Variants in EPHA6 observed in about 807,000 individuals in gnomAD.
The protein encoded by EPHA6 is EPH receptor A6.
EPHA6 carries 50 observed loss-of-function variants against 112.0 expected under a neutral mutation model. The ratio of observed to expected loss-of-function variants is 0.45; its 90% CI spans 0.36 to 0.56. EPHA6 has a LOEUF of 0.56. EPHA6 is among the 20% of genes least tolerant of loss of function. The pLI is 0.00. For synonymous variants in EPHA6, 529 were observed against 490.7 expected (o/e 1.08, Z -1.03); for missense variants, 1,280 against 1,417.4 (o/e 0.90, Z 1.56).
At chr3:97,043,308 G>T (rs1256514756) in intron 3 of EPHA6, among the ~76,000 whole-genome samples, 16 of 152,068 alleles carry the variant, frequency 1.1e-4, no homozygotes, top group Admixed American at 1.0e-3. Flanking sequence ...CAGGTAGTCA[G>T]CTGTATATAT....
At chr3:97,327,691 T>C (rs2082504530) in intron 5 of EPHA6, among the ~76,000 whole-genome samples, 2 of 151,876 alleles carry the variant, frequency 1.3e-5, no homozygotes, top group Non-Finnish European at 2.9e-5. Flanking sequence ...AACTTTATCA[T>C]GTTAAAGATA....
chr3:97,614,348 T>C (rs1248086859), intron 13 of EPHA6, among the ~76,000 whole-genome samples: 1 of 149,318 alleles, frequency 6.7e-6, no homozygotes, highest in Non-Finnish European at 1.5e-5. Context: ...TTTTTTTTTT[T>C]TTTTTGAGAC....
chr3:97,608,500 GA>G (rs1046825687), intron 12 of EPHA6, among the ~76,000 whole-genome samples: 8 of 151,238 alleles, frequency 5.3e-5, no homozygotes, highest in African/African-American at 1.9e-4. Flanking sequence ...AAATAAGAAA[GA>G]AAAACAACTT....
chr3:96,814,683 C>A lies in EPHA6; in HGVS notation c.60C>A (p.Ser20=). 1 of 1,492,548 alleles carries A rather than the reference C, an allele frequency of 6.7e-7. No individual in the cohort carries two copies. The highest frequency in any genetic ancestry group is 8.9e-7 in the Non-Finnish European group (1 of 1,120,772). 92.5% of individuals were successfully genotyped at this position (1,492,548 alleles called of 1,614,324 possible). A position where few individuals can be genotyped will look rare whatever the true frequency, so the allele number is the denominator to read the frequency against. ...CCCCGGCGCCGCAGGCAGCGTCCTC[C>A]TCCGAAGCAGCTGCACCTGCAACTG... The part of the protein sequence containing the change: ...RSSPAPQAAS[S]SEAAAPATGQ... The change falls in exon 1 of 18, where the codon TCC becomes TCA. Residue 20 remains serine, a synonymous_variant. Coordinates refer to ENST00000389672, the MANE Select transcript of EPHA6 (RefSeq NM_001080448.3).
At chr3:97,185,086 A>G (rs1477998777) in intron 3 of EPHA6, among the ~76,000 whole-genome samples, 1 of 151,586 alleles carries the variant, frequency 6.6e-6, no homozygotes, top group Non-Finnish European at 1.5e-5. Context: ...AAAGACTTCA[A>G]TGTTAGACCT....
intron 2 of EPHA6, among the ~76,000 whole-genome samples, chr3:96,945,312 C>T (rs565425240): frequency 1.8e-4 from 27 of 152,242 alleles, no homozygotes; most frequent in African/African-American, 5.8e-4. Context: ...CTGTTCAAAA[C>T]GGAACTCCAG....
At chr3:97,112,497 C>T (rs1257414477) in intron 3 of EPHA6, among the ~76,000 whole-genome samples, 1 of 152,078 alleles carries the variant, frequency 6.6e-6, no homozygotes, top group Non-Finnish European at 1.5e-5. Flanking sequence ...TGCTATTTTT[C>T]TAGAGTTTAC....
At chr3:97,276,810 C>T (rs572802736) in intron 5 of EPHA6, among the ~76,000 whole-genome samples, 2 of 152,040 alleles carry the variant, frequency 1.3e-5, no homozygotes, top group Non-Finnish European at 2.9e-5. Flanking sequence ...AGAGCCTAAA[C>T]ACTAACTGAT....
intron 14 of EPHA6, among the ~76,000 whole-genome samples, chr3:97,643,179 T>C (rs1226423468): frequency 6.7e-6 from 1 of 150,280 alleles, no homozygotes; most frequent in Admixed American, 6.6e-5. Context: ...GAATTTCATA[T>C]CCAGCCAAAC....
intron 2 of EPHA6, among the ~76,000 whole-genome samples, chr3:96,980,666 G>C (rs879075446): frequency 2.0e-5 from 3 of 152,050 alleles, no homozygotes; most frequent in Non-Finnish European, 4.4e-5. Flanking sequence ...TCATGATATT[G>C]ATTCTTCCTA....
intron 15 of EPHA6, among the ~76,000 whole-genome samples, chr3:97,721,890 T>C (rs1473014177): frequency 6.6e-6 from 1 of 152,142 alleles, no homozygotes; most frequent in Admixed American, 6.5e-5. Context: ...GGGGATTTTG[T>C]TTGTTTGTTT....
intron 10 of EPHA6, among the ~76,000 whole-genome samples, chr3:97,523,132 A>C (rs968464513): frequency 6.6e-6 from 1 of 152,022 alleles, no homozygotes; most frequent in African/African-American, 2.4e-5. Flanking sequence ...TTGCTTACTT[A>C]AGAACTTTTC....
intron 5 of EPHA6, among the ~76,000 whole-genome samples, chr3:97,401,672 G>C (rs1053698250): frequency 4.6e-5 from 7 of 151,310 alleles, no homozygotes; most frequent in Admixed American, 2.0e-4. Context: ...GTTTATTTCT[G>C]TTCTGATCTT....
At chr3:96,983,196 G>A (rs1342951811) in intron 2 of EPHA6, among the ~76,000 whole-genome samples, 1 of 152,114 alleles carries the variant, frequency 6.6e-6, no homozygotes, top group South Asian at 2.1e-4. Flanking sequence ...GGTACCGGTT[G>A]TTCCTTTCTA....
chr3:96,854,398 T>C (rs1164535584), intron 1 of EPHA6, among the ~76,000 whole-genome samples: 1 of 151,940 alleles, frequency 6.6e-6, no homozygotes, highest in Non-Finnish European at 1.5e-5. Flanking sequence ...CAGGATGGTC[T>C]CAATCCGTTG....
intron 10 of EPHA6, among the ~76,000 whole-genome samples, chr3:97,500,299 AAG>A (rs2092084935): frequency 6.6e-6 from 1 of 152,014 alleles, no homozygotes; most frequent in African/African-American, 2.4e-5. Context: ...TTTTTAAAAA[AAG>A]AGGTTTAATT....
chr3:97,407,265 G>T (rs2087411464), intron 6 of EPHA6, among the ~76,000 whole-genome samples: 1 of 151,632 alleles, frequency 6.6e-6, no homozygotes, highest in South Asian at 2.1e-4. Context: ...GTTTGTGTAT[G>T]TACTGTTATA....
intron 2 of EPHA6, among the ~76,000 whole-genome samples, chr3:96,944,011 T>C (rs2041119435): frequency 6.6e-6 from 1 of 152,218 alleles, no homozygotes. Flanking sequence ...ATAAACATGC[T>C]TAATATATTT....
intron 15 of EPHA6, among the ~76,000 whole-genome samples, chr3:97,721,539 A>C (rs1250589972): frequency 6.6e-6 from 1 of 152,220 alleles, no homozygotes; most frequent in Non-Finnish European, 1.5e-5. Flanking sequence ...ACGTAGCAGC[A>C]GGTTTGAGGC....
Sources: gnomAD v4.1 joint callset for allele counts (sites outside exome capture counted in the v4.1 genomes callset) on GRCh38, gnomAD v4.1.1 for gene constraint, MANE v1.5 for transcripts, NCBI Gene and HGNC (gene_info 2026-07-23, HGNC 2026-07-21) for gene names.